MTMR2: variants seen among roughly 807,000 people sequenced by gnomAD.
The protein encoded by MTMR2 is myotubularin related protein 2, also known as phosphatidylinositol-3,5-bisphosphate 3-phosphatase MTMR2.
MTMR2 carries 55 observed loss-of-function variants against 86.9 expected under a neutral mutation model. The ratio of observed to expected loss-of-function variants is 0.63; its 90% CI spans 0.51 to 0.79. MTMR2 has a LOEUF of 0.79. MTMR2 is among the 30% of genes least tolerant of loss of function. MTMR2 has a pLI of 0.00. For synonymous variants in MTMR2, 241 were observed against 266.8 expected, an observed-to-expected ratio of 0.90 and a Z score of 0.94; for missense variants, 659 against 772.3, an observed-to-expected ratio of 0.85 and a Z score of 1.74.
chr11:95,872,541 C>CAA (rs1864931159), intron 2 of MTMR2, among the ~76,000 whole-genome samples: 1 of 152,172 alleles, frequency 6.6e-6, no homozygotes, highest in Non-Finnish European at 1.5e-5. Flanking sequence ...TCTAGATATA[C>CAA]AATCATGTCA....
intron 2 of MTMR2, among the ~76,000 whole-genome samples, chr11:95,868,757 G>GA (rs957710927): frequency 6.6e-6 from 1 of 151,374 alleles, no homozygotes; most frequent in Non-Finnish European, 1.5e-5. Flanking sequence ...AATATAGGTG[G>GA]AAAAAAAATT....
intron 2 of MTMR2, among the ~76,000 whole-genome samples, chr11:95,877,280 T>A (rs543675030): frequency 1.5e-3 from 223 of 149,952 alleles, no homozygotes; most frequent in African/African-American, 5.3e-3. Context: ...CTGGGATAGA[T>A]CTTAGTGGTT....
At chr11:95,871,831 T>A (rs1864900422) in intron 2 of MTMR2, among the ~76,000 whole-genome samples, 2 of 152,200 alleles carry the variant, frequency 1.3e-5, no homozygotes, top group Admixed American at 1.3e-4. Flanking sequence ...CTGAATGGTA[T>A]TGCCTAGGTT....
At chr11:95,849,327 C>T (rs1021565337) in intron 9 of MTMR2, among the ~76,000 whole-genome samples, 1 of 151,894 alleles carries the variant, frequency 6.6e-6, no homozygotes, top group African/African-American at 2.4e-5. Context: ...TTCAGTGAGT[C>T]ATAAGCTCAG....
At chr11:95,841,818 G>C (rs145538188) in intron 11 of MTMR2, 109 bp from the exon 12 acceptor site, 1 of 863,816 alleles carries the variant, frequency 1.2e-6, no homozygotes, top group Admixed American at 1.9e-5. Flanking sequence ...TTTCAAAGTC[G>C]GGTGCTGTGG....
rs368202152 is a variant in MTMR2 at position 95,889,518 on chromosome 11, G to T, written c.81-1257C>A. ...AGAACAAAAATTATGTCTTTTTTGG[G>T]GGGGGAGGGGGGCGGGGGAGAAATG... is the stretch of plus-strand genomic sequence containing the variant. On this transcript the variant is annotated intron_variant, in intron 1 of 14. Transcript: ENST00000346299. Among the ~76,000 whole-genome samples the T allele has an allele frequency of 1.6e-4, 21 of 134,228 alleles. No homozygotes were observed. The East Asian group carries it at 4.2e-3, about 27-fold the overall frequency. The allele number at this position is 134,228 out of a possible 152,430, so 88.1% of individuals were successfully genotyped here.
rs1295016537 is a variant in MTMR2, at chr11:95,833,388, T to A, written c.*1902A>T. Reference sequence around the variant, plus strand: ...TGAAACATGTAACTGTCAATTCAAATATTTAAAAGTTTTGCTTGTGTAAAT... The same window carrying A: ...TGAAACATGTAACTGTCAATTCAAAAATTTAAAAGTTTTGCTTGTGTAAAT... On this transcript the variant is annotated 3_prime_UTR_variant, in exon 15 of 15. Coordinates refer to ENST00000346299, the MANE Select transcript of MTMR2 (RefSeq NM_016156.6). 1 of 152,118 alleles carries A rather than the reference T, an allele frequency of 6.6e-6. No homozygotes were observed. Among genetic ancestry groups the A allele is most frequent in the African/African-American group, 2.4e-5 (1 of 41,440 alleles). 9.4% of individuals were successfully genotyped at this position (152,118 alleles called of 1,614,324 possible).
chr11:95,865,410 C>A, intron 3 of MTMR2, 191 bp downstream of exon 3: 2 of 604,714 alleles, frequency 3.3e-6, no homozygotes, highest in Non-Finnish European at 5.9e-6. Flanking sequence ...GGAGTTCAAA[C>A]ACAAACACTA....
intron 1 of MTMR2, among the ~76,000 whole-genome samples, 198 bp from the exon 2 acceptor site, chr11:95,888,459 G>A (rs760790944): frequency 3.3e-5 from 5 of 152,122 alleles, no homozygotes; most frequent in Non-Finnish European, 7.4e-5. Flanking sequence ...TATGATCCAA[G>A]TTCCCTCTGG....
chr11:95,873,980 T>C (rs989732766), intron 2 of MTMR2, among the ~76,000 whole-genome samples: 2 of 152,192 alleles, frequency 1.3e-5, no homozygotes, highest in Admixed American at 1.3e-4. Context: ...TAATTTCTCT[T>C]GTTTTACATT....
In MTMR2 at chr11:95,835,380, T is replaced by C. The variant is rs1863219677; in HGVS notation, c.1842A>G (p.Leu614=). Residue 614 remains leucine (L), a synonymous_variant, in exon 15 of 15, where the codon CTA becomes CTG. Transcript: ENST00000346299. ...TTGATCGGTTAGAAATCTCTCTCTG[T>C]AGTTCCTCTACTTTTTTCTGAAGCT... ...RAELQKKVEE[L]QREISNRSTS... is the part of the protein sequence containing the mutation. The C allele has an allele frequency of 6.2e-7, 1 of 1,613,186 alleles. No individual in the cohort carries two copies. The highest frequency in any genetic ancestry group is 8.5e-7 in the Non-Finnish European group (1 of 1,179,366).
rs985825367 is a variant in MTMR2 at position 95,865,945 on chromosome 11, G to A, written c.187-269C>T. On this transcript the variant is annotated intron_variant, in intron 2 of 14. Transcript: ENST00000346299. ...TACATGTTTTTGCACTGCATCCTAA[G>A]ACAGCCTAACAATAAAAGAGGTATT... Among the ~76,000 whole-genome samples, 6 of 152,118 alleles carry A rather than the reference G, an allele frequency of 3.9e-5. No homozygotes were observed. The South Asian group carries it at 6.2e-4, about 16-fold the overall frequency.
intron 2 of MTMR2, among the ~76,000 whole-genome samples, chr11:95,887,163 A>C (rs79423019): frequency 3.9e-5 from 6 of 152,326 alleles, no homozygotes; most frequent in Non-Finnish European, 7.4e-5. Flanking sequence ...GATGAAAAAG[A>C]TATAAGTATC....
intron 2 of MTMR2, among the ~76,000 whole-genome samples, chr11:95,874,780 G>A (rs573603833): frequency 2.1e-4 from 32 of 152,102 alleles, no homozygotes; most frequent in Non-Finnish European, 3.4e-4. Context: ...GCGCTTGTAG[G>A]GCAGGCCTGG....
Position 95,923,877 on chromosome 11 carries a change from G to T in MTMR2, c.78C>A (p.Ser26=). The T allele has an allele frequency of 6.4e-7, 1 of 1,553,924 alleles. No individual in the cohort carries two copies. The highest frequency in any genetic ancestry group is 1.2e-5 in the South Asian group (1 of 84,310). Residue 26 remains serine, a splice_region_variant and synonymous_variant, in exon 1 of 15, where the codon TCC becomes TCA. Transcript: ENST00000346299. The part of the protein sequence containing the change: ...AARPPSVDSL[S]SASTSHSENS... ...GGGGCCCTGGGCGTCCTGGTTACCT[G>T]GACAAGGAGTCCACGCTGGGCGGCC... is the stretch of plus-strand genomic sequence containing the variant.
chr11:95,885,890 T>C (rs1242786283), intron 2 of MTMR2, among the ~76,000 whole-genome samples: 3 of 152,152 alleles, frequency 2.0e-5, no homozygotes, highest in Non-Finnish European at 2.9e-5. Flanking sequence ...GTAAGTACTC[T>C]TAATAAAATG....
chr11:95,922,851 C>A (rs1866979025), intron 1 of MTMR2, among the ~76,000 whole-genome samples: 1 of 152,012 alleles, frequency 6.6e-6, no homozygotes, highest in South Asian at 2.1e-4. Flanking sequence ...TTAGCAGAAT[C>A]CAAAATGAAT....
At position 95,834,967 on chromosome 11, in the gene MTMR2, A is replaced by G; in HGVS notation, c.*323T>C. 1.1e-5 allele frequency: 4 copies of G among 354,576 alleles called. 1 individual carries two copies. The highest frequency in any genetic ancestry group is 7.8e-5 in the South Asian group (3 of 38,336). The allele number at this position is 354,576 out of a possible 1,614,324, so 22.0% of individuals were successfully genotyped here. A position where few individuals can be genotyped will look rare whatever the true frequency, so the allele number is the denominator to read the frequency against. ...AGAGTGTATTTCTAAAATGGTTTTA[A>G]TATTACCAGATGCCAAAAATTTGTA... On this transcript the variant is annotated 3_prime_UTR_variant, in exon 15 of 15. Transcript: ENST00000346299.
intron 2 of MTMR2, among the ~76,000 whole-genome samples, chr11:95,885,606 CATA>C (rs1393406079): frequency 6.6e-6 from 1 of 151,988 alleles, no homozygotes; most frequent in Admixed American, 6.6e-5. Context: ...TCCATGAGTC[CATA>C]ATAAGATAAA....
Sources: gnomAD v4.1 joint callset for allele counts (sites outside exome capture counted in the v4.1 genomes callset) on GRCh38, gnomAD v4.1.1 for gene constraint, MANE v1.5 for transcripts, NCBI Gene and HGNC (gene_info 2026-07-23, HGNC 2026-07-21) for gene names.